Variants in PARD3B observed in about 807,000 individuals in gnomAD.
PARD3B encodes par-3 family cell polarity regulator beta, also known as partitioning defective 3 homolog B.
Under a neutral mutation model 130.2 loss-of-function variants are expected in PARD3B, and 103 were observed. That is an observed-to-expected ratio of 0.79 (90% CI 0.67 to 0.93). The LOEUF is 0.93. Among genes scored for constraint, PARD3B ranks in the 40% least tolerant of loss-of-function variants. The pLI is 0.00. For synonymous variants in PARD3B, 583 were observed against 553.2 expected (o/e 1.05, Z -0.76); for missense variants, 1,609 against 1,499.2 (o/e 1.07, Z -1.21).
At chr2:204,893,768 AACAGCCAC>A (rs1469681938) in intron 2 of PARD3B, among the ~76,000 whole-genome samples, 1 of 152,174 alleles carries the variant, frequency 6.6e-6, no homozygotes, top group Admixed American at 6.5e-5. Flanking sequence ...ACAAGTGTTC[AACAGCCAC>A]ATGTGGCTAG....
At chr2:204,850,848 C>T (rs572270357) in intron 2 of PARD3B, among the ~76,000 whole-genome samples, 18 of 152,262 alleles carry the variant, frequency 1.2e-4, no homozygotes, top group African/African-American at 3.1e-4. Flanking sequence ...ACATGGTATA[C>T]GCCTGTTTTT....
At chr2:205,523,209 A>G (rs1031772996) in intron 21 of PARD3B, among the ~76,000 whole-genome samples, 10 of 141,430 alleles carry the variant, frequency 7.1e-5, no homozygotes, top group South Asian at 4.5e-4. Context: ...CGTGTACTAT[A>G]TGTGTGTGTG....
chr2:205,534,307 G>A (rs940953952), intron 21 of PARD3B, among the ~76,000 whole-genome samples: 1 of 152,172 alleles, frequency 6.6e-6, no homozygotes, highest in Non-Finnish European at 1.5e-5. Flanking sequence ...GGGCTAAGGG[G>A]CTGGGCAAGC....
chr2:205,480,574 A>G (rs149647126), intron 20 of PARD3B, among the ~76,000 whole-genome samples: 46 of 152,268 alleles, frequency 3.0e-4, no homozygotes, highest in African/African-American at 1.1e-3. Context: ...GTAACAGTTG[A>G]TTATGAATAG....
At chr2:205,155,019 T>G (rs1455988709) in intron 10 of PARD3B, among the ~76,000 whole-genome samples, 1 of 151,828 alleles carries the variant, frequency 6.6e-6, no homozygotes, top group African/African-American at 2.4e-5. Context: ...ATTGTGCACA[T>G]GTACTCTAGA....
chr2:205,304,086 T>A (rs867008380), intron 18 of PARD3B, among the ~76,000 whole-genome samples: 7 of 152,194 alleles, frequency 4.6e-5, no homozygotes, highest in African/African-American at 1.7e-4. Flanking sequence ...CAGCTGAAAT[T>A]TCTACATAGA....
chr2:205,467,634 A>G (rs763622800), intron 20 of PARD3B, among the ~76,000 whole-genome samples: 1 of 152,192 alleles, frequency 6.6e-6, no homozygotes, highest in Non-Finnish European at 1.5e-5. Context: ...GCATATCTCA[A>G]TTTGGACTAG....
intron 19 of PARD3B, among the ~76,000 whole-genome samples, chr2:205,415,450 T>G (rs1408592279): frequency 6.6e-6 from 1 of 152,112 alleles, no homozygotes; most frequent in South Asian, 2.1e-4. Flanking sequence ...CATAACTCAT[T>G]TCACCAGCAA....
intron 3 of PARD3B, among the ~76,000 whole-genome samples, chr2:205,019,624 T>C (rs900987882): frequency 6.6e-6 from 1 of 152,208 alleles, no homozygotes; most frequent in Non-Finnish European, 1.5e-5. Flanking sequence ...TCCCAGTTTC[T>C]CCACATCCTC....
intron 2 of PARD3B, among the ~76,000 whole-genome samples, chr2:204,835,594 C>A (rs1559184039): frequency 6.6e-6 from 1 of 152,106 alleles, no homozygotes; most frequent in East Asian, 1.9e-4. Flanking sequence ...GTTTATTGAT[C>A]TAAGATATGA....
rs10169507 is a variant in PARD3B, at chr2:205,585,535, C to A, written c.3261-29921C>A. Among the ~76,000 whole-genome samples the A allele has an allele frequency of 0.16, 24,297 of 152,090 alleles. 2,129 individuals carry two copies. The highest frequency in any genetic ancestry group is 0.22 in the African/African-American group (9,219 of 41,470). On this transcript the variant is annotated intron_variant, in intron 22 of 22. Transcript: ENST00000406610. The surrounding 1 kb of genome is among the most constrained non-coding windows in gnomAD (Gnocchi z 5.4). ...TAAATGGGATCAGTTAGGGAGGGAG[C>A]AGGCCAGCTGTGTGGCAGGGACTGT...
rs779585765 is a variant in PARD3B, at chr2:205,245,795, G to T, written c.2158G>T (p.Val720Phe). ...CTCCTCAGTGCCAGATGAAAGCAAGGTTCACTCATTGGCTGGACAAAAATC... is the reference window on the plus strand; with the variant it reads ...CTCCTCAGTGCCAGATGAAAGCAAGTTTCACTCATTGGCTGGACAAAAATC... Reference protein sequence around the residue: ...SMDLVPDESKVHSLAGQKSES... With the variant: ...SMDLVPDESKFHSLAGQKSES... Residue 720 changes from valine to phenylalanine, a missense_variant, in exon 16 of 23, where the codon GTT (valine) becomes TTT (phenylalanine). Transcript: ENST00000406610. 5.6e-6 allele frequency: 9 copies of T among 1,602,820 alleles called. No individual in the cohort carries two copies. Among genetic ancestry groups the T allele is most frequent in the African/African-American group, 4.0e-5 (3 of 74,664 alleles).
intron 2 of PARD3B, among the ~76,000 whole-genome samples, chr2:204,713,184 A>G (rs563992162): frequency 2.0e-5 from 3 of 152,052 alleles, no homozygotes; most frequent in Non-Finnish European, 4.4e-5. Context: ...CACATGGGCA[A>G]GAATGTATAT....
intron 2 of PARD3B, among the ~76,000 whole-genome samples, chr2:204,913,201 G>A (rs1045559306): frequency 2.9e-4 from 44 of 152,080 alleles, no homozygotes; most frequent in African/African-American, 9.4e-4. Context: ...ATATTCAATG[G>A]ACAGAATTTC....
chr2:204,594,804 G>T (rs1559174902), intron 1 of PARD3B, among the ~76,000 whole-genome samples: 1 of 152,064 alleles, frequency 6.6e-6, no homozygotes, highest in African/African-American at 2.4e-5. Flanking sequence ...GTATAACAAA[G>T]AAATTAAAAA....
intron 21 of PARD3B, among the ~76,000 whole-genome samples, chr2:205,510,865 C>G (rs1399054497): frequency 6.6e-6 from 1 of 152,196 alleles, no homozygotes; most frequent in Non-Finnish European, 1.5e-5. Context: ...ATAAGCTATT[C>G]CATATACTAG....
chr2:204,848,489 A>T lies in PARD3B; in HGVS notation c.223-116663A>T, dbSNP rs552234283. On this transcript the variant is annotated intron_variant, in intron 2 of 22. Coordinates refer to ENST00000406610, the MANE Select transcript of PARD3B (RefSeq NM_001302769.2). ...GTCTCTACAAAAATAAAAATAAAAA[A>T]AAATAGTTAGCTGGGTGTGTGGTAC... is the stretch of plus-strand genomic sequence containing the variant. Among the ~76,000 whole-genome samples, 26 of 152,304 alleles carry T rather than the reference A, an allele frequency of 1.7e-4. No individual in the cohort carries two copies. In the South Asian group the frequency reaches 3.7e-3, roughly 22 times the overall value.
chr2:205,395,673 C>T (rs1344756751), intron 18 of PARD3B, among the ~76,000 whole-genome samples: 2 of 152,160 alleles, frequency 1.3e-5, no homozygotes, highest in African/African-American at 2.4e-5. Flanking sequence ...TCTCAATGGC[C>T]ACTTCTCTAG....
intron 3 of PARD3B, among the ~76,000 whole-genome samples, chr2:204,983,479 A>AAAC (rs1346406270): frequency 6.6e-6 from 1 of 152,156 alleles, no homozygotes; most frequent in Non-Finnish European, 1.5e-5. Context: ...ATTTGATATT[A>AAAC]AATTTAATGT....
Sources: gnomAD v4.1 joint callset for allele counts (sites outside exome capture counted in the v4.1 genomes callset) on GRCh38, gnomAD v4.1.1 for gene constraint, Gnocchi (gnomAD v3.1) non-coding constraint, MANE v1.5 for transcripts, NCBI Gene and HGNC (gene_info 2026-07-23, HGNC 2026-07-21) for gene names.